Variants in NPFFR1 observed in about 807,000 individuals in gnomAD.
NPFFR1 encodes G-protein coupled receptor 147.
NPFFR1 carries 17 observed loss-of-function variants against 12.7 expected under a neutral mutation model. The ratio of observed to expected loss-of-function variants is 1.34; its 90% confidence interval spans 0.92 to 2.01. The LOEUF (loss-of-function observed/expected upper bound fraction) is 2.01, where lower values mean the gene tolerates loss of function less well. Ranked by LOEUF, NPFFR1 falls within the 30% of genes most tolerant of loss-of-function variation. The pLI is 0.00. For missense variants in NPFFR1, 604 were observed against 606.5 expected, an observed-to-expected ratio of 1.00 and a Z score of 0.04; for synonymous variants, 296 against 264.5, an observed-to-expected ratio of 1.12 and a Z score of -1.16.
In NPFFR1 at chr10:70,274,058, C is replaced by T. The variant is rs78337687; in HGVS notation, c.8-7667G>A. 9.7e-3 allele frequency among the ~76,000 whole-genome samples: 1,471 copies of T among 152,274 alleles called. 23 individuals are homozygous for T. The highest frequency in any genetic ancestry group is 0.034 in the African/African-American group (1,406 of 41,552). On this transcript the variant is annotated intron_variant, in intron 1 of 3. Coordinates refer to ENST00000277942, the MANE Select transcript of NPFFR1 (RefSeq NM_022146.5). ...TCTTAACAGGCCATGTAATCTTCCA[C>T]GGAGACTGTGCTAATGCAGAGAGGA...
Position 70,266,125 on chromosome 10 carries a change from C to CCAG in NPFFR1, c.271_273dup (p.Leu91dup). ...GTGGTGGGCATGCAGAAGATGCCCA[C>CCAG]CAGCAGGTCACTGACAGCCAGGTTG... On this transcript the variant is annotated inframe_insertion, in exon 2 of 4. Transcript: ENST00000277942. 3 of 1,614,042 alleles carry CCAG rather than the reference C, an allele frequency of 1.9e-6. No homozygotes were observed. Among genetic ancestry groups the CCAG allele is most frequent in the Non-Finnish European group, 2.5e-6 (3 of 1,179,894 alleles).
intron 1 of NPFFR1, among the ~76,000 whole-genome samples, chr10:70,280,231 G>A (rs564030012): frequency 1.3e-5 from 2 of 152,220 alleles, no homozygotes; most frequent in Non-Finnish European, 2.9e-5. Context: ...CAGATTTTGG[G>A]GTAAGTACCC....
At chr10:70,264,962 G>GCATGTGTGCATCTCTGCA (rs1350347382) in intron 2 of NPFFR1, among the ~76,000 whole-genome samples, 2 of 152,226 alleles carry the variant, frequency 1.3e-5, no homozygotes, top group African/African-American at 2.4e-5. Context: ...TTATGTGTAT[G>GCATGTGTGCATCTCTGCA]CATGTGTGCA....
chr10:70,283,593 C>G (rs1840884619), intron 1 of NPFFR1, 77 bp downstream of exon 1: 2 of 1,386,808 alleles, frequency 1.4e-6, no homozygotes, highest in Non-Finnish European at 2.0e-6. Flanking sequence ...CTGCCCGGCC[C>G]TCTCCTCTCC....
chr10:70,254,505 A>G lies in NPFFR1; in HGVS notation c.*452T>C, dbSNP rs1840541627. On this transcript the variant is annotated 3_prime_UTR_variant, in exon 4 of 4. Transcript: ENST00000277942. ...TTCGCTTCTTCCTAGCTGCCTAATT[A>G]GGACTTACTCAGTTCACAGTGTTCT... 6.3e-6 allele frequency: 1 copy of G among 158,262 alleles called. No homozygotes were observed. Among genetic ancestry groups the G allele is most frequent in the South Asian group, 2.0e-4 (1 of 4,884 alleles). The allele number at this position is 158,262 out of a possible 1,614,324, so 9.8% of individuals were successfully genotyped here.
chr10:70,265,050 A>T (rs188346666), intron 2 of NPFFR1, among the ~76,000 whole-genome samples: 16 of 152,334 alleles, frequency 1.1e-4, no homozygotes, highest in African/African-American at 3.8e-4. Context: ...TATGTTCAGC[A>T]TTGGCAAAGG....
At chr10:70,262,554 C>A (rs7912730) in intron 2 of NPFFR1, among the ~76,000 whole-genome samples, 1 of 152,004 alleles carries the variant, frequency 6.6e-6, no homozygotes, top group Non-Finnish European at 1.5e-5. Context: ...AATGAAACTA[C>A]CTTATGTGTA....
rs374289426 is a variant in NPFFR1, at chr10:70,266,288, C to T, written c.111G>A (p.Gln37=). The T allele has an allele frequency of 4.3e-6, 7 of 1,613,704 alleles. No individual in the cohort carries two copies. The highest frequency in any genetic ancestry group is 5.9e-6 in the Non-Finnish European group (7 of 1,179,844). The part of the protein sequence containing the change: ...ATNLTFSSYY[Q]HTSPVAAMFI... ...ACATGGCCGCCACAGGGGAGGTGTG[C>T]TGATAGTAGGAGGAGAAGGTGAGGT... Residue 37 remains glutamine (Q), a synonymous_variant, in exon 2 of 4, where the codon CAG becomes CAA. Coordinates refer to ENST00000277942, the MANE Select transcript of NPFFR1 (RefSeq NM_022146.5).
At chr10:70,263,424 G>A (rs939355745) in intron 2 of NPFFR1, among the ~76,000 whole-genome samples, 2 of 151,778 alleles carry the variant, frequency 1.3e-5, no homozygotes, top group South Asian at 2.1e-4. Context: ...AGGCACCCAC[G>A]ACCACGCCCG....
Position 70,253,232 on chromosome 10 carries a change from A to C in NPFFR1, c.*1725T>G, listed in dbSNP as rs1840528757. The stretch of plus-strand genomic sequence containing the variant: ...AGGGCAAGAACAACTCAGGCTGGAC[A>C]TTACGAGAGTAAACACAATAGATTT... On this transcript the variant is annotated 3_prime_UTR_variant, in exon 4 of 4. Transcript: ENST00000277942. 6.6e-6 allele frequency: 1 copy of C among 152,244 alleles called. No individual in the cohort carries two copies. Among genetic ancestry groups the C allele is most frequent in the Admixed American group, 6.5e-5 (1 of 15,278 alleles). 9.4% of individuals were successfully genotyped at this position (152,244 alleles called of 1,614,324 possible).
At chr10:70,280,501 A>G (rs1037146811) in intron 1 of NPFFR1, among the ~76,000 whole-genome samples, 4 of 152,150 alleles carry the variant, frequency 2.6e-5, no homozygotes, top group Non-Finnish European at 4.4e-5. Context: ...GCATTTTTTC[A>G]TATACCTGTT....
chr10:70,263,578 C>T (rs1840657156), intron 2 of NPFFR1, among the ~76,000 whole-genome samples: 1 of 152,096 alleles, frequency 6.6e-6, no homozygotes, highest in Non-Finnish European at 1.5e-5. Flanking sequence ...CGGCCATTCA[C>T]AGCACATTTT....
At chr10:70,259,106 G>A (rs1840607145) in intron 3 of NPFFR1, among the ~76,000 whole-genome samples, 2 of 152,094 alleles carry the variant, frequency 1.3e-5, no homozygotes, top group Admixed American at 6.6e-5. Context: ...GGCCAACATG[G>A]TGAAACCCTT....
At position 70,247,368 on chromosome 10, in the gene NPFFR1, G is replaced by C. The variant is rs992838105; in HGVS notation, c.*7589C>G. 6.6e-6 allele frequency: 1 copy of C among 152,132 alleles called. No homozygotes were observed. The highest frequency in any genetic ancestry group is 1.5e-5 in the Non-Finnish European group (1 of 68,018). The allele number at this position is 152,132 out of a possible 1,614,324, so 9.4% of individuals were successfully genotyped here. On this transcript the variant is annotated 3_prime_UTR_variant, in exon 4 of 4. Transcript: ENST00000277942. The stretch of plus-strand genomic sequence containing the variant: ...TTTATTTTCCATAATTTATAGCATA[G>C]GTAACAGAATCATTTTGCAAAGACA...
chr10:70,283,132 TTG>T lies in NPFFR1; in HGVS notation c.7+536_7+537del, dbSNP rs56036699. Among the ~76,000 whole-genome samples the T allele has an allele frequency of 3.6e-3, 545 of 149,640 alleles. 4 individuals carry two copies. The highest frequency in any genetic ancestry group is 5.1e-3 in the Non-Finnish European group (340 of 67,178). ...CACACACAACAGGGACTCTCTCTTT[TTG>T]TGTGTGTGTGTGTGTGTGTCTTGTA... On this transcript the variant is annotated intron_variant, in intron 1 of 3. Coordinates refer to ENST00000277942, the MANE Select transcript of NPFFR1 (RefSeq NM_022146.5).
Position 70,283,701 on chromosome 10 carries a change from CGGTCTCCGATGGCGGGA to C in NPFFR1, c.-42_-26del, listed in dbSNP as rs1840885889. 1 of 1,534,986 alleles carries C rather than the reference CGGTCTCCGATGGCGGGA, an allele frequency of 6.5e-7. No individual in the cohort carries two copies. Among genetic ancestry groups the C allele is most frequent in the East Asian group, 2.4e-5 (1 of 40,890 alleles). On this transcript the variant is annotated 5_prime_UTR_variant, in exon 1 of 4. Transcript: ENST00000277942. The stretch of plus-strand genomic sequence containing the variant: ...TGATGCCCCCAGTTGCGGGCTCCGG[CGGTCTCCGATGGCGGGA>C]GGCAGCGGGCCCCTTCGGGCCAGCG...
At position 70,255,660 on chromosome 10, in the gene NPFFR1, G is replaced by C; in HGVS notation, c.590C>G (p.Ser197Cys). 2 of 1,597,986 alleles carry C rather than the reference G, an allele frequency of 1.3e-6. No homozygotes were observed. Among genetic ancestry groups the C allele is most frequent in the Middle Eastern group, 3.3e-4 (2 of 6,048 alleles). ...HHFMVDARNR[S>C]YPLYSCWEAW... ...CTCCCAGCAGGAGTAGAGCGGGTAG[G>C]AGCGGTTGCGGGCGTCCACCATGAA... The change falls in exon 4 of 4, where the codon TCC becomes TGC. Residue 197 changes from serine (S) to cysteine (C), a missense_variant. By Grantham distance (112) the Ser-to-Cys change is moderately radical. Transcript: ENST00000277942. The surrounding 1 kb of genome is among the most constrained non-coding windows in gnomAD (Gnocchi z 4.2).
intron 2 of NPFFR1, among the ~76,000 whole-genome samples, chr10:70,262,693 C>T (rs1589911304): frequency 6.6e-6 from 1 of 152,168 alleles, no homozygotes; most frequent in African/African-American, 2.4e-5. Context: ...GGGTTAGAAT[C>T]AGAGGTATCA....
At chr10:70,270,788 C>A (rs1359777551) in intron 1 of NPFFR1, among the ~76,000 whole-genome samples, 1 of 152,118 alleles carries the variant, frequency 6.6e-6, no homozygotes, top group Non-Finnish European at 1.5e-5. Flanking sequence ...GCCAGGTGCC[C>A]TTGTAATTAC....
Sources: allele counts gnomAD v4.1 joint callset (sites outside exome capture counted in the v4.1 genomes callset), GRCh38; gene constraint gnomAD v4.1.1; non-coding constraint Gnocchi (gnomAD v3.1); transcripts MANE v1.5; gene names NCBI Gene and HGNC (gene_info 2026-07-23, HGNC 2026-07-21).